REV3L: variants seen among roughly 807,000 people sequenced by gnomAD.
REV3L encodes DNA polymerase zeta catalytic subunit.
In REV3L, 69 loss-of-function variants were observed where a neutral mutation model predicts 299.4. The ratio of observed to expected loss-of-function variants is 0.23; its 90% CI spans 0.19 to 0.28. The LOEUF (loss-of-function observed/expected upper bound fraction) is 0.28, where lower values mean the gene tolerates loss of function less well. Ranked by LOEUF, REV3L falls within the 10% of genes least tolerant of loss-of-function variation. The probability of loss-of-function intolerance (pLI) is 1.00; values close to 1 mark genes in which losing one functional copy is unlikely to be tolerated. For synonymous variants in REV3L, 1,238 were observed against 1,271.4 expected (o/e 0.97, Z 0.56); for missense variants, 3,128 against 3,693.8 (o/e 0.85, Z 3.97).
chr6:111,442,799 T>C (rs1788421978), intron 1 of REV3L, among the ~76,000 whole-genome samples: 1 of 152,214 alleles, frequency 6.6e-6, no homozygotes, highest in South Asian at 2.1e-4. Flanking sequence ...ATGATTTCCC[T>C]GTATATGGTT....
chr6:111,308,645 G>C (rs1232163093), intron 30 of REV3L, among the ~76,000 whole-genome samples: 2 of 152,058 alleles, frequency 1.3e-5, no homozygotes, highest in African/African-American at 4.8e-5. Flanking sequence ...GTTTCTTCAG[G>C]GCTGTGTCTA....
At chr6:111,325,584 A>C (rs59478154) in intron 25 of REV3L, among the ~76,000 whole-genome samples, 6,432 of 152,276 alleles carry the variant, frequency 0.042, 280 homozygotes, top group African/African-American at 0.11. Context: ...GTGTTCTCTG[A>C]AGGAAAGCAG....
chr6:111,312,579 G>A (rs1773098748), intron 28 of REV3L: 1 of 152,104 alleles, frequency 6.6e-6, no homozygotes, highest in Non-Finnish European at 1.5e-5. Context: ...TTTTTATTTT[G>A]ATGGAGTCTC....
intron 18 of REV3L, among the ~76,000 whole-genome samples, chr6:111,352,012 C>CT (rs879816515): frequency 1.9e-3 from 273 of 143,850 alleles, no homozygotes; most frequent in Middle Eastern, 3.6e-3. Flanking sequence ...TTCTTTCTTT[C>CT]TTTTTTTTTT....
intron 1 of REV3L, among the ~76,000 whole-genome samples, chr6:111,465,762 A>AAAAC (rs950676529): frequency 1.3e-5 from 2 of 151,208 alleles, no homozygotes; most frequent in African/African-American, 4.9e-5. Flanking sequence ...AAAAAAAAAA[A>AAAAC]AAAACTTTGT....
chr6:111,457,636 CTCA>C (rs985213129), intron 1 of REV3L, among the ~76,000 whole-genome samples: 1 of 151,582 alleles, frequency 6.6e-6, no homozygotes, highest in Non-Finnish European at 1.5e-5. Flanking sequence ...CCTGAAAAAT[CTCA>C]TCATGTTAGA....
chr6:111,376,105 T>C lies in REV3L; in HGVS notation c.2250A>G (p.Ser750=), dbSNP rs763295670. The change falls in exon 13 of 32, where the codon TCA becomes TCG. Residue 750 remains serine (S), a synonymous_variant. Transcript: ENST00000368802. ...FTENCELLSC[S]GENRTMVHSL... ...AATGCACCATAGTTCTATTCTCCCC[T>C]GAGCATGACAGTAATTCACAATTTT... 9.3e-6 allele frequency: 15 copies of C among 1,613,440 alleles called. No homozygotes were observed. The highest frequency in any genetic ancestry group is 1.3e-5 in the Non-Finnish European group (15 of 1,179,956).
chr6:111,473,645 T>C (rs1440893241), intron 1 of REV3L, among the ~76,000 whole-genome samples: 1 of 152,018 alleles, frequency 6.6e-6, no homozygotes, highest in Admixed American at 6.5e-5. Flanking sequence ...TTCTAAGCAC[T>C]ATTAGATACA....
chr6:111,387,859 C>T lies in REV3L; in HGVS notation c.1002G>A (p.Glu334=), dbSNP rs1781501490. ...YSDGSQEFSA[E]LTLHSEVLSP... is the part of the protein sequence containing the mutation. ...ACAGAACCTCAGAGTGCAATGTTAA[C>T]TCAGCAGAGAACTCCTGGGATCCAT... Residue 334 remains glutamate, a synonymous_variant, in exon 9 of 32, where the codon GAG becomes GAA. Transcript: ENST00000368802. The T allele has an allele frequency of 6.2e-7, 1 of 1,613,762 alleles. No individual in the cohort carries two copies. Among genetic ancestry groups the T allele is most frequent in the African/African-American group, 1.3e-5 (1 of 74,918 alleles).
chr6:111,422,676 ATACG>A (rs1248553324), intron 1 of REV3L, among the ~76,000 whole-genome samples: 1,292 of 41,984 alleles, frequency 0.031, 258 homozygotes, highest in Non-Finnish European at 0.07. Flanking sequence ...ATATATATAT[ATACG>A]TATATATATA....
intron 26 of REV3L, among the ~76,000 whole-genome samples, chr6:111,316,480 A>G (rs146795870): frequency 8.5e-5 from 13 of 152,088 alleles, no homozygotes; most frequent in African/African-American, 1.4e-4. Context: ...CCTGGCCAAC[A>G]TGGCAAAATC....
chr6:111,447,370 T>C (rs1788983770), intron 1 of REV3L, among the ~76,000 whole-genome samples: 1 of 152,128 alleles, frequency 6.6e-6, no homozygotes, highest in Admixed American at 6.6e-5. Context: ...TAACTAGAAA[T>C]TAATAAAGAG....
chr6:111,439,680 T>C lies in REV3L; in HGVS notation c.140-23208A>G, dbSNP rs147299009. 4.3e-4 allele frequency among the ~76,000 whole-genome samples: 65 copies of C among 152,234 alleles called. No individual in the cohort carries two copies. In the East Asian group the frequency reaches 0.013, roughly 29 times the overall value. ...GATGGTAACATGACAGAAAATGGAT[T>C]TTATGTGATGACCAGCTCAGTGGCT... On this transcript the variant is annotated intron_variant, in intron 1 of 31. Transcript: ENST00000368802.
At chr6:111,399,388 T>C (rs1782860342) in intron 4 of REV3L, among the ~76,000 whole-genome samples, 1 of 152,196 alleles carries the variant, frequency 6.6e-6, no homozygotes, top group South Asian at 2.1e-4. Flanking sequence ...CATATTATCA[T>C]GGTATATCTG....
At chr6:111,337,940 T>G (rs1404020149) in intron 21 of REV3L, among the ~76,000 whole-genome samples, 1 of 152,110 alleles carries the variant, frequency 6.6e-6, no homozygotes, top group Non-Finnish European at 1.5e-5. Flanking sequence ...CCTCTCAACA[T>G]ATGGACAGAG....
At chr6:111,365,211 C>G in intron 15 of REV3L, 54 bp downstream of exon 15, 2 of 1,136,146 alleles carry the variant, frequency 1.8e-6, no homozygotes, top group Non-Finnish European at 1.2e-6. Flanking sequence ...TAACTGAAAT[C>G]TAGGAAAAAG....
chr6:111,452,123 C>G (rs761171687), intron 1 of REV3L, among the ~76,000 whole-genome samples: 17 of 150,530 alleles, frequency 1.1e-4, no homozygotes, highest in Non-Finnish European at 2.5e-4. Context: ...GATTCTTAGA[C>G]CTTAGGGAAA....
chr6:111,325,673 T>C (rs569466330), intron 25 of REV3L, among the ~76,000 whole-genome samples: 1 of 152,346 alleles, frequency 6.6e-6, no homozygotes, highest in South Asian at 2.1e-4. Flanking sequence ...GTTGTATATA[T>C]ACGTATATGC....
intron 1 of REV3L, among the ~76,000 whole-genome samples, chr6:111,481,390 T>C (rs569700832): frequency 6.6e-6 from 1 of 152,346 alleles, no homozygotes; most frequent in East Asian, 1.9e-4. Flanking sequence ...TTTCAAGTGT[T>C]ACACTTTCAA....
Sources: gnomAD v4.1 joint callset for allele counts (sites outside exome capture counted in the v4.1 genomes callset) on GRCh38, gnomAD v4.1.1 for gene constraint, MANE v1.5 for transcripts, NCBI Gene and HGNC (gene_info 2026-07-23, HGNC 2026-07-21) for gene names.